The following BLTP3B variants were observed in gnomAD, a reference collection of about 807,000 sequenced individuals.
BLTP3B encodes bridge-like lipid transfer protein family member 3B.
the BLTP3B span, among the ~76,000 whole-genome samples, chr12:100,060,295 C>T: frequency 6.6e-6 from 1 of 151,898 alleles, no homozygotes; most frequent in African/African-American, 2.4e-5. Context: ...ATATATAAAA[C>T]ACATGAATAT....
At chr12:100,124,980 T>TATATATATATATATA in the BLTP3B span, among the ~76,000 whole-genome samples, 1 of 60,044 alleles carries the variant, frequency 1.7e-5, no homozygotes, top group African/African-American at 5.0e-5. Context: ...ATATATATAT[T>TATATATATATATATA]TATATTTATT....
chr12:100,057,637 T>C, the BLTP3B span: 3 of 1,612,938 alleles, frequency 1.9e-6, no homozygotes, highest in Non-Finnish European at 2.5e-6. Flanking sequence ...AATATCATGC[T>C]GTCAAGTGAA....
At chr12:100,057,860 A>T in the BLTP3B span, 1 of 1,291,966 alleles carries the variant, frequency 7.7e-7, no homozygotes, top group Non-Finnish European at 1.1e-6. Flanking sequence ...AATTATATTT[A>T]AACGTATAAG....
chr12:100,098,304 T>A, the BLTP3B span: 5 of 1,518,782 alleles, frequency 3.3e-6, no homozygotes, highest in South Asian at 6.4e-5. Flanking sequence ...CGTCCTCTTT[T>A]ACTTGTCACT....
At chr12:100,140,704 C>CAAAAAAAAAAAAAA in the BLTP3B span, among the ~76,000 whole-genome samples, 2 of 33,790 alleles carry the variant, frequency 5.9e-5, no homozygotes, top group African/African-American at 1.6e-4. Flanking sequence ...GACTCTGTCT[C>CAAAAAAAAAAAAAA]AAAAAAAAAA....
chr12:100,108,346 G>C, the BLTP3B span: 4 of 1,580,180 alleles, frequency 2.5e-6, no homozygotes, highest in Non-Finnish European at 3.4e-6. Flanking sequence ...AACATGAAAG[G>C]CCTTCCACAA....
the BLTP3B span, chr12:100,084,429 G>C: frequency 0.011 from 15,847 of 1,391,528 alleles, 118 homozygotes; most frequent in Non-Finnish European, 0.014. Flanking sequence ...CACACACAGA[G>C]TGCAAACACT....
chr12:100,051,654 T>A, the BLTP3B span: 1 of 153,020 alleles, frequency 6.5e-6, no homozygotes, highest in Non-Finnish European at 1.5e-5. Flanking sequence ...CCAGGGAAAA[T>A]ACCTGTGAAT....
the BLTP3B span, among the ~76,000 whole-genome samples, chr12:100,140,729 A>AAAAATATATATATATATATAT: frequency 1.6e-5 from 1 of 61,492 alleles, no homozygotes; most frequent in African/African-American, 1.0e-4. Flanking sequence ...AAAAAAAAAA[A>AAAAATATATATATATATATAT]ATATATATAT....
chr12:100,055,250 C>G, the BLTP3B span, among the ~76,000 whole-genome samples: 1 of 152,222 alleles, frequency 6.6e-6, no homozygotes, highest in African/African-American at 2.4e-5. Flanking sequence ...TTTGGGCAAG[C>G]TGCTTACCTC....
chr12:100,045,083 C>T, the BLTP3B span, among the ~76,000 whole-genome samples: 1 of 152,134 alleles, frequency 6.6e-6, no homozygotes, highest in Non-Finnish European at 1.5e-5. Context: ...CAAACCACTG[C>T]TCAATTAAAT....
At chr12:100,056,984 C>A in the BLTP3B span, among the ~76,000 whole-genome samples, 1 of 152,154 alleles carries the variant, frequency 6.6e-6, no homozygotes, top group Admixed American at 6.5e-5. Context: ...GCAACTAACA[C>A]CTTCTAAGTC....
chr12:100,103,117 C>T, the BLTP3B span, among the ~76,000 whole-genome samples: 1 of 152,042 alleles, frequency 6.6e-6, no homozygotes, highest in Non-Finnish European at 1.5e-5. Flanking sequence ...GGAATTAAGA[C>T]ATAGCCATTA....
the BLTP3B span, among the ~76,000 whole-genome samples, chr12:100,070,492 G>A: frequency 2.0e-5 from 3 of 151,920 alleles, no homozygotes; most frequent in Admixed American, 6.6e-5. Flanking sequence ...CCTGACCTCA[G>A]GTGATCCACC....
chr12:100,058,957 T>C, the BLTP3B span: 28 of 1,614,026 alleles, frequency 1.7e-5, no homozygotes, highest in South Asian at 1.2e-4. Flanking sequence ...GACTCTGTAC[T>C]ATAATACTCC....
At chr12:100,136,378 T>G in the BLTP3B span, among the ~76,000 whole-genome samples, 2 of 152,156 alleles carry the variant, frequency 1.3e-5, no homozygotes, top group Admixed American at 6.6e-5. Context: ...GCCAGACAAG[T>G]AGTCCAATTT....
the BLTP3B span, among the ~76,000 whole-genome samples, chr12:100,081,288 A>C: frequency 6.6e-6 from 1 of 152,168 alleles, no homozygotes; most frequent in Non-Finnish European, 1.5e-5. Flanking sequence ...GTATAATGTG[A>C]CTACAATGGA....
the BLTP3B span, among the ~76,000 whole-genome samples, chr12:100,085,882 T>C: frequency 7.5e-6 from 1 of 133,868 alleles, no homozygotes; most frequent in South Asian, 2.1e-4. Flanking sequence ...CTCTTTTCAT[T>C]CCTAGCTTCA....
chr12:100,075,880 A>G, the BLTP3B span, among the ~76,000 whole-genome samples: 1 of 152,112 alleles, frequency 6.6e-6, no homozygotes, highest in Admixed American at 6.6e-5. Context: ...GCATGTTCTG[A>G]CTTACAAGTG....
Sources: allele counts gnomAD v4.1 joint callset (sites outside exome capture counted in the v4.1 genomes callset), GRCh38; gene constraint gnomAD v4.1.1; transcripts MANE v1.5; gene names NCBI Gene and HGNC (gene_info 2026-07-23, HGNC 2026-07-21).